RNF19A: variants seen among roughly 807,000 people sequenced by gnomAD.
RNF19A encodes the protein E3 ubiquitin-protein ligase RNF19A.
RNF19A carries 32 observed loss-of-function variants against 75.7 expected under a neutral mutation model. That is an observed-to-expected ratio of 0.42 (90% CI 0.32 to 0.57). The LOEUF is 0.57. Ranked by LOEUF, RNF19A falls within the 20% of genes least tolerant of loss-of-function variation. RNF19A has a pLI of 0.10. For missense variants in RNF19A, 782 were observed against 1,036.3 expected, an observed-to-expected ratio of 0.75 and a Z score of 3.37; for synonymous variants, 335 against 345.2, an observed-to-expected ratio of 0.97 and a Z score of 0.33.
chr8:100,312,921 C>CAAACA (rs1031664590), upstream of RNF19A, among the ~76,000 whole-genome samples: 2 of 152,070 alleles, frequency 1.3e-5, no homozygotes, highest in African/African-American at 4.8e-5. Context: ...GACTCTGTCT[C>CAAACA]AAACAAAACA....
chr8:100,286,346 C>T (rs1446199893), intron 2 of RNF19A, among the ~76,000 whole-genome samples: 4 of 152,156 alleles, frequency 2.6e-5, no homozygotes, highest in Non-Finnish European at 5.9e-5. Flanking sequence ...TATTATAGTA[C>T]AAGCTCCCTG....
chr8:100,306,238 G>A (rs1006768920), intron 1 of RNF19A, among the ~76,000 whole-genome samples: 4 of 152,116 alleles, frequency 2.6e-5, no homozygotes, highest in East Asian at 1.9e-4. Context: ...TCTTTTGGGC[G>A]TAAACAAGCT....
In RNF19A at chr8:100,258,867, G is replaced by C. The variant is rs779009778; in HGVS notation, c.2206C>G (p.Leu736Val). The change falls in exon 10 of 10, where the codon CTA becomes GTA. Residue 736 changes from leucine to valine, a missense_variant. Leu to Val is a conservative substitution (Grantham distance 32). Around this residue, in one of 7 missense-constraint regions of RNF19A, gnomAD observed 442 missense variants for 541.6 expected, o/e 0.82. Transcript: ENST00000341084. The surrounding 1 kb of genome is among the most constrained non-coding windows in gnomAD (Gnocchi z 4.3). ...CTACAAGAAGTTTTCATGCTTTCTA[G>C]GTCAGAACAACTAAATTCAGAAAAA... The part of the protein sequence containing the change: ...SHFSEFSCSD[L>V]ESMKTSCSHG... 1.7e-5 allele frequency: 28 copies of C among 1,613,978 alleles called. No individual in the cohort carries two copies. Among genetic ancestry groups the C allele is most frequent in the East Asian group, 2.2e-5 (1 of 44,900 alleles).
intron 1 of RNF19A, among the ~76,000 whole-genome samples, chr8:100,291,438 A>G (rs1211477723): frequency 1.3e-5 from 2 of 152,246 alleles, no homozygotes; most frequent in East Asian, 3.8e-4. Context: ...GTGGAAAGAC[A>G]AGAACCTTTT....
chr8:100,264,329 T>G lies in RNF19A; in HGVS notation c.1307-134A>C. 1.3e-6 allele frequency: 1 copy of G among 761,408 alleles called. No individual in the cohort carries two copies. Among genetic ancestry groups the G allele is most frequent in the Non-Finnish European group, 2.0e-6 (1 of 490,756 alleles). 47.2% of individuals were successfully genotyped at this position (761,408 alleles called of 1,614,324 possible). ...GGTTCTGAAGAGTTGGCTGGAACAT[T>G]TGCCAAAAGTAGATTTACCCAGTTG... On this transcript the variant is annotated intron_variant, in intron 6 of 9. Coordinates refer to ENST00000341084, the MANE Select transcript of RNF19A (RefSeq NM_183419.4). The surrounding 1 kb of genome is among the most constrained non-coding windows in gnomAD (Gnocchi z 4.7).
chr8:100,278,283 C>T (rs1820618407), intron 2 of RNF19A, among the ~76,000 whole-genome samples: 1 of 152,186 alleles, frequency 6.6e-6, no homozygotes, highest in Non-Finnish European at 1.5e-5. Context: ...TTTGATCATA[C>T]AAGTGACTAT....
chr8:100,312,804 ATCC>A (rs1262769859), upstream of RNF19A, among the ~76,000 whole-genome samples: 15 of 152,112 alleles, frequency 9.9e-5, no homozygotes, highest in Admixed American at 3.9e-4. Flanking sequence ...CACTCCTGTA[ATCC>A]CAGCTCCTCA....
rs1445202234 is a variant in RNF19A, at chr8:100,275,455, G to C, written c.675-294C>G. Among the ~76,000 whole-genome samples, 2 of 151,520 alleles carry C rather than the reference G, an allele frequency of 1.3e-5. No homozygotes were observed. The highest frequency in any genetic ancestry group is 6.6e-5 in the Admixed American group (1 of 15,222). ...GGTACATGTGCAAGTTTGTTACATAGGTCTATTGCATGATGCTGAGGTTTG... is the reference window on the plus strand; with the variant it reads ...GGTACATGTGCAAGTTTGTTACATACGTCTATTGCATGATGCTGAGGTTTG... On this transcript the variant is annotated intron_variant, in intron 2 of 9. Coordinates refer to ENST00000341084, the MANE Select transcript of RNF19A (RefSeq NM_183419.4). This position sits in a 1 kb window ranked among gnomAD's most constrained non-coding sequence, Gnocchi z 4.3.
upstream of RNF19A, among the ~76,000 whole-genome samples, chr8:100,310,617 C>G (rs1310173101): frequency 6.6e-6 from 1 of 152,232 alleles, no homozygotes; most frequent in African/African-American, 2.4e-5. Flanking sequence ...TGTCCTTTCC[C>G]AGAGGACGGC....
intron 1 of RNF19A, among the ~76,000 whole-genome samples, chr8:100,334,207 A>G (rs1271250719): frequency 1.3e-5 from 2 of 152,172 alleles, no homozygotes; most frequent in Non-Finnish European, 1.5e-5. Context: ...TTTTCATCAT[A>G]GCCACAACAT....
chr8:100,269,421 A>C lies in RNF19A; in HGVS notation c.1028+448T>G, dbSNP rs929435107. ...TATATTAACAAGATACTGATAACTG[A>C]GATTCAGGTTAAAAATTTATCCCTA... On this transcript the variant is annotated intron_variant, in intron 4 of 9. Coordinates refer to ENST00000341084, the MANE Select transcript of RNF19A (RefSeq NM_183419.4). This position sits in a 1 kb window ranked among gnomAD's most constrained non-coding sequence, Gnocchi z 5.7. 6.6e-6 allele frequency among the ~76,000 whole-genome samples: 1 copy of C among 151,986 alleles called. No homozygotes were observed. Among genetic ancestry groups the C allele is most frequent in the Non-Finnish European group, 1.5e-5 (1 of 67,948 alleles).
intron 1 of RNF19A, among the ~76,000 whole-genome samples, chr8:100,293,659 G>C (rs555079868): frequency 6.6e-6 from 1 of 152,054 alleles, no homozygotes; most frequent in Non-Finnish European, 1.5e-5. Context: ...ACAGGAATTC[G>C]GGGAAAATTA....
In RNF19A at chr8:100,260,540, G is replaced by GCC. The variant is rs1263256301; in HGVS notation, c.1683-544_1683-543insGG. On this transcript the variant is annotated intron_variant, in intron 8 of 9. Transcript: ENST00000341084. The surrounding 1 kb of genome is among the most constrained non-coding windows in gnomAD (Gnocchi z 4.1). Reference sequence around the variant, plus strand: ...CCAACCTGGCCTCCCAAAGTGCTGGGATTATAGGTATGAGCCACTGAGCCC... The same window carrying GCC: ...CCAACCTGGCCTCCCAAAGTGCTGGGCCATTATAGGTATGAGCCACTGAGCCC... 3.9e-5 allele frequency among the ~76,000 whole-genome samples: 6 copies of GCC among 152,194 alleles called. 1 individual carries two copies. The highest frequency in any genetic ancestry group is 1.4e-4 in the African/African-American group (6 of 41,516).
chr8:100,275,990 G>A lies in RNF19A; in HGVS notation c.675-829C>T, dbSNP rs192474493. ...AAAAAAAACTGTTTTTTTTTCCTTCGGATTAAAGACTGAGAACTGTAGATT... is the reference window on the plus strand; with the variant it reads ...AAAAAAAACTGTTTTTTTTTCCTTCAGATTAAAGACTGAGAACTGTAGATT... On this transcript the variant is annotated intron_variant, in intron 2 of 9. Transcript: ENST00000341084. This position sits in a 1 kb window ranked among gnomAD's most constrained non-coding sequence, Gnocchi z 4.3. Among the ~76,000 whole-genome samples the A allele has an allele frequency of 5.8e-4, 88 of 150,894 alleles. No homozygotes were observed. The highest frequency in any genetic ancestry group is 3.5e-3 in the Middle Eastern group (1 of 288).
intron 7 of RNF19A, among the ~76,000 whole-genome samples, chr8:100,262,077 G>C (rs2132491615): frequency 6.6e-6 from 1 of 152,224 alleles, no homozygotes; most frequent in South Asian, 2.1e-4. Flanking sequence ...TTATTCTCTA[G>C]GTCAGTAAGA....
At position 100,269,025 on chromosome 8, in the gene RNF19A, G is replaced by A; in HGVS notation, c.1029-78C>T. 8.6e-7 allele frequency: 1 copy of A among 1,164,204 alleles called. No individual in the cohort carries two copies. Among genetic ancestry groups the A allele is most frequent in the Non-Finnish European group, 1.2e-6 (1 of 865,484 alleles). The allele number at this position is 1,164,204 out of a possible 1,614,324, so 72.1% of individuals were successfully genotyped here. ...AATTAGTGCACTATATTAAAACAAT[G>A]ACTATTTTTAAAAACTTCTCATAGT... On this transcript the variant is annotated intron_variant, in intron 4 of 9. Transcript: ENST00000341084. The surrounding 1 kb of genome is among the most constrained non-coding windows in gnomAD (Gnocchi z 5.7).
Position 100,269,884 on chromosome 8 carries a change from T to G in RNF19A, c.1013A>C (p.Asp338Ala), listed in dbSNP as rs1820173249. 6.2e-7 allele frequency: 1 copy of G among 1,606,024 alleles called. No individual in the cohort carries two copies. Among genetic ancestry groups the G allele is most frequent in the Non-Finnish European group, 8.5e-7 (1 of 1,176,370 alleles). ...FCWLCMKEIS[D>A]LHYLSPSGCT... ...ATAAGCTTACCTTAGATAATGCAAA[T>G]CTGAGATTTCTTTCATACACAACCA... The change falls in exon 4 of 10, where the codon GAT (aspartate) becomes GCT (alanine). Residue 338 changes from aspartate to alanine, a missense_variant. Asp to Ala is a moderately radical substitution (Grantham distance 126). This residue lies in a region of RNF19A where 1 missense variants were observed against 19.3 expected (regional missense o/e 0.05). Coordinates refer to ENST00000341084, the MANE Select transcript of RNF19A (RefSeq NM_183419.4). The surrounding 1 kb of genome is among the most constrained non-coding windows in gnomAD (Gnocchi z 5.7).
At chr8:100,300,991 T>C (rs1446918543) in intron 1 of RNF19A, among the ~76,000 whole-genome samples, 2 of 152,240 alleles carry the variant, frequency 1.3e-5, no homozygotes, top group Admixed American at 1.3e-4. Context: ...CTGTGAAACC[T>C]ATCCTTCTAG....
chr8:100,283,293 T>C (rs1401187768), intron 2 of RNF19A, among the ~76,000 whole-genome samples: 1 of 152,052 alleles, frequency 6.6e-6, no homozygotes, highest in African/African-American at 2.4e-5. Flanking sequence ...ATGTACAAAC[T>C]AGGACTCCAA....
Sources: gnomAD v4.1 joint callset for allele counts (sites outside exome capture counted in the v4.1 genomes callset) on GRCh38, gnomAD v4.1.1 for gene constraint, gnomAD v4.1.1 regional missense constraint, Gnocchi (gnomAD v3.1) non-coding constraint, MANE v1.5 for transcripts, NCBI Gene and HGNC (gene_info 2026-07-23, HGNC 2026-07-21) for gene names.